The following GRIK4 variants were observed in gnomAD, a reference collection of about 807,000 sequenced individuals.
The protein encoded by GRIK4 is glutamate ionotropic receptor kainate type subunit 4, also known as glutamate receptor ionotropic, kainate 4.
A neutral mutation model predicts 104.9 loss-of-function variants in GRIK4; 40 were observed. The observed-to-expected ratio is 0.38, with a 90% CI of 0.30 to 0.50. GRIK4 has a LOEUF of 0.50. Among genes scored for constraint, GRIK4 ranks in the 20% least tolerant of loss-of-function variants. GRIK4 has a pLI of 0.93. For missense variants in GRIK4, 1,047 were observed against 1,308.1 expected (o/e 0.80, Z 3.08); for synonymous variants, 485 against 524.9 (o/e 0.92, Z 1.04).
At chr11:120,537,555 A>G (rs191791783) in intron 1 of GRIK4, among the ~76,000 whole-genome samples, 1 of 152,146 alleles carries the variant, frequency 6.6e-6, no homozygotes, top group Non-Finnish European at 1.5e-5. Flanking sequence ...CCCACAGTGA[A>G]GGAAGCAAAC....
At chr11:120,981,676 A>T (rs1944654971) in intron 19 of GRIK4, among the ~76,000 whole-genome samples, 1 of 152,280 alleles carries the variant, frequency 6.6e-6, no homozygotes, top group African/African-American at 2.4e-5. Flanking sequence ...TGGTCAAAAC[A>T]GTTGCTTTTA....
intron 19 of GRIK4, among the ~76,000 whole-genome samples, chr11:120,981,146 G>A (rs1944645453): frequency 6.6e-6 from 1 of 152,104 alleles, no homozygotes; most frequent in South Asian, 2.1e-4. Context: ...TTCTGATTGT[G>A]GCCCCAGTTG....
At chr11:120,844,608 A>T (rs1419012304) in intron 8 of GRIK4, among the ~76,000 whole-genome samples, 1 of 152,194 alleles carries the variant, frequency 6.6e-6, no homozygotes, top group Non-Finnish European at 1.5e-5. Context: ...CATCCCAACT[A>T]AGCCTCAGAC....
chr11:120,672,193 G>A (rs573275612), intron 3 of GRIK4, among the ~76,000 whole-genome samples: 7 of 152,230 alleles, frequency 4.6e-5, no homozygotes, highest in Admixed American at 2.6e-4. Flanking sequence ...TGAGGCAGGC[G>A]GATCATGAGT....
intron 8 of GRIK4, among the ~76,000 whole-genome samples, chr11:120,842,056 A>G (rs1350801859): frequency 6.6e-6 from 1 of 152,196 alleles, no homozygotes; most frequent in Non-Finnish European, 1.5e-5. Flanking sequence ...TATGAATAAT[A>G]ATATCCACCT....
chr11:120,565,025 C>G (rs1000252821), intron 1 of GRIK4, among the ~76,000 whole-genome samples: 2 of 152,254 alleles, frequency 1.3e-5, no homozygotes, highest in Admixed American at 6.5e-5. Flanking sequence ...CACCTCCTGT[C>G]CCGGCCTCGT....
chr11:120,838,445 T>TTTTC (rs1236687540), intron 8 of GRIK4, among the ~76,000 whole-genome samples: 1 of 152,224 alleles, frequency 6.6e-6, no homozygotes, highest in Admixed American at 6.5e-5. Flanking sequence ...TTCAAAGAGC[T>TTTTC]TTTCTCCTTT....
chr11:120,644,044 T>TGTGTGTGTGTGTGG (rs1446673011), intron 1 of GRIK4, among the ~76,000 whole-genome samples: 1 of 112,642 alleles, frequency 8.9e-6, no homozygotes, highest in African/African-American at 3.8e-5. Context: ...TGTGTGTGTG[T>TGTGTGTGTGTGTGG]GAGAGAGAGA....
chr11:120,898,497 C>G, intron 11 of GRIK4, 35 bp from the exon 12 acceptor site: 1 of 1,226,752 alleles, frequency 8.2e-7, no homozygotes, highest in East Asian at 2.3e-5. Context: ...TGGAGGCCAC[C>G]ATTTCTTCCC....
At chr11:120,664,840 C>T (rs1307719460) in intron 3 of GRIK4, among the ~76,000 whole-genome samples, 1 of 152,136 alleles carries the variant, frequency 6.6e-6, no homozygotes, top group Non-Finnish European at 1.5e-5. Context: ...TTTCAGGGCT[C>T]AGTCGAGGTG....
chr11:120,896,064 T>G (rs1001784773), intron 11 of GRIK4, among the ~76,000 whole-genome samples: 1 of 152,196 alleles, frequency 6.6e-6, no homozygotes, highest in African/African-American at 2.4e-5. Context: ...TTTCCCTCGC[T>G]TCCAAAGCCA....
chr11:120,965,475 C>T (rs1944368471), intron 18 of GRIK4, among the ~76,000 whole-genome samples: 1 of 152,180 alleles, frequency 6.6e-6, no homozygotes, highest in Admixed American at 6.5e-5. Flanking sequence ...TGCACACGTT[C>T]AGTGCTGCAG....
chr11:120,977,868 G>A (rs930305624), intron 19 of GRIK4, among the ~76,000 whole-genome samples: 2 of 152,038 alleles, frequency 1.3e-5, no homozygotes, highest in African/African-American at 4.8e-5. Context: ...CAATACAGGC[G>A]GTCCATGTTG....
intron 6 of GRIK4, among the ~76,000 whole-genome samples, chr11:120,823,853 C>A (rs1161625330): frequency 6.6e-6 from 1 of 152,188 alleles, no homozygotes; most frequent in Non-Finnish European, 1.5e-5. Context: ...CTGGAACTCA[C>A]CTGCTGAGGC....
chr11:120,565,995 G>C (rs1321194964), intron 1 of GRIK4, among the ~76,000 whole-genome samples: 1 of 152,186 alleles, frequency 6.6e-6, no homozygotes, highest in Non-Finnish European at 1.5e-5. Flanking sequence ...CTTGAGCCGT[G>C]TTGAAAGTAG....
At chr11:120,606,040 A>G (rs2135138883) in intron 1 of GRIK4, among the ~76,000 whole-genome samples, 2 of 152,330 alleles carry the variant, frequency 1.3e-5, no homozygotes, top group Middle Eastern at 6.8e-3. Context: ...GATACCCTTC[A>G]GGTGCAGACA....
intron 1 of GRIK4, among the ~76,000 whole-genome samples, chr11:120,570,335 T>G (rs146977711): frequency 8.5e-5 from 13 of 152,242 alleles, no homozygotes; most frequent in Non-Finnish European, 1.8e-4. Flanking sequence ...CTCCCTTTTT[T>G]GAAATAATGG....
chr11:120,681,810 G>A (rs1950197608), intron 3 of GRIK4, among the ~76,000 whole-genome samples: 1 of 152,258 alleles, frequency 6.6e-6, no homozygotes, highest in East Asian at 1.9e-4. Flanking sequence ...ACAGAGCCCT[G>A]TTGAAGAGGA....
chr11:120,941,664 A>G (rs1179254590), intron 14 of GRIK4, among the ~76,000 whole-genome samples: 1 of 152,192 alleles, frequency 6.6e-6, no homozygotes, highest in African/African-American at 2.4e-5. Flanking sequence ...ATTTGAACAC[A>G]GACACATAGA....
Sources: gnomAD v4.1 joint callset for allele counts (sites outside exome capture counted in the v4.1 genomes callset) on GRCh38, gnomAD v4.1.1 for gene constraint, MANE v1.5 for transcripts, NCBI Gene and HGNC (gene_info 2026-07-23, HGNC 2026-07-21) for gene names.